Variants in CEP350 observed in about 807,000 individuals in gnomAD.
CEP350 encodes the protein centrosome-associated protein 350.
Under a neutral mutation model 331.8 loss-of-function variants are expected in CEP350, and 126 were observed. The ratio of observed to expected loss-of-function variants is 0.38; its 90% confidence interval spans 0.33 to 0.44. CEP350 has a LOEUF of 0.44. Among genes scored for constraint, CEP350 ranks in the 20% least tolerant of loss-of-function variants. The pLI, the probability that CEP350 is intolerant of heterozygous loss-of-function variation, is 1.00. For missense variants in CEP350, 3,406 were observed against 3,634.6 expected (o/e 0.94, Z 1.62); for synonymous variants, 1,200 against 1,259.5 (o/e 0.95, Z 1.00).
In CEP350 at chr1:180,095,642, C is replaced by G. The variant is rs755553765; in HGVS notation, c.8631C>G (p.Asp2877Glu). The G allele has an allele frequency of 3.6e-5, 58 of 1,613,798 alleles. No individual in the cohort carries two copies. Among genetic ancestry groups the G allele is most frequent in the Non-Finnish European group, 8.5e-7 (1 of 1,179,880 alleles). ...LGDDQDWFDE[D>E]FGLSSSHKIQ... is the part of the protein sequence containing the mutation. ...ATGATCAAGACTGGTTTGATGAAGA[C>G]TTTGGTTTGAGCTCTTCTCACAAGA... Residue 2877 changes from aspartate (D) to glutamate (E), a missense_variant, in exon 35 of 38, where the codon GAC becomes GAG. Coordinates refer to ENST00000367607, the MANE Select transcript of CEP350 (RefSeq NM_014810.5).
In CEP350 at chr1:179,960,167, C is replaced by T. The variant is rs1343582122; in HGVS notation, c.-14+5025C>T. On this transcript the variant is annotated intron_variant, in intron 1 of 37. Transcript: ENST00000367607. ...GCCATTCCATTGCAGGTAGCATTTA[C>T]AGACACACACACACCCACCCACCCA... Among the ~76,000 whole-genome samples the T allele has an allele frequency of 2.6e-5, 4 of 152,122 alleles. No homozygotes were observed. In the South Asian group the frequency reaches 8.3e-4, roughly 32 times the overall value.
Position 180,006,446 on chromosome 1 carries a change from C to T in CEP350, c.1133-8C>T. On this transcript the variant is annotated splice_polypyrimidine_tract_variant and splice_region_variant and intron_variant, in intron 7 of 37. Coordinates refer to ENST00000367607, the MANE Select transcript of CEP350 (RefSeq NM_014810.5). ...GTTATATTTGCTGTAAATATTTCTG[C>T]TTTTCAGATGATATTTCTATAAAGG... is the stretch of plus-strand genomic sequence containing the variant. 1 of 1,258,076 alleles carries T rather than the reference C, an allele frequency of 7.9e-7. No homozygotes were observed. The highest frequency in any genetic ancestry group is 1.3e-5 in the South Asian group (1 of 78,030). The allele number at this position is 1,258,076 out of a possible 1,614,324, so 77.9% of individuals were successfully genotyped here.
At chr1:180,086,254 T>A (rs1043581873) in intron 31 of CEP350, among the ~76,000 whole-genome samples, 2 of 152,042 alleles carry the variant, frequency 1.3e-5, no homozygotes, top group African/African-American at 4.8e-5. Context: ...GAAACAAAAT[T>A]TAAAAATACA....
In CEP350 at chr1:180,078,531, G is replaced by A. The variant is rs1298448641; in HGVS notation, c.5836G>A (p.Glu1946Lys). 1 of 1,613,458 alleles carries A rather than the reference G, an allele frequency of 6.2e-7. No homozygotes were observed. The highest frequency in any genetic ancestry group is 8.5e-7 in the Non-Finnish European group (1 of 1,179,764). ...SHLNSESSIP[E>K]ELGSPAVEYV... ...TCTAAACAGTGAAAGCTCCATTCCA[G>A]AAGAATTAGGCAGCCCTGCTGTTGA... Residue 1946 changes from glutamate to lysine, a missense_variant, in exon 29 of 38, where the codon GAA (glutamate) becomes AAA (lysine). By Grantham distance (56) the Glu-to-Lys change is moderately conservative (BLOSUM62 1). This residue lies in a region of CEP350 where 1,415 missense variants were observed against 1,512.3 expected (regional missense o/e 0.94). Coordinates refer to ENST00000367607, the MANE Select transcript of CEP350 (RefSeq NM_014810.5).
chr1:180,089,569 C>T (rs1660051198), intron 32 of CEP350, among the ~76,000 whole-genome samples: 2 of 135,702 alleles, frequency 1.5e-5, no homozygotes, highest in African/African-American at 2.8e-5. Context: ...GGCAACAGAG[C>T]AAGACTCCAT....
rs181181663 is a variant in CEP350, at chr1:180,000,513, T to A, written c.1019-2661T>A. On this transcript the variant is annotated intron_variant, in intron 6 of 37. Coordinates refer to ENST00000367607, the MANE Select transcript of CEP350 (RefSeq NM_014810.5). ...TTGCTGTTTCCTTGGGGTCTTTTTT[T>A]CTCTCATACAGGCCATGTCTTGAAA... 501 of 154,732 alleles carry A rather than the reference T, an allele frequency of 3.2e-3. 2 individuals carry two copies. The highest frequency in any genetic ancestry group is 0.011 in the African/African-American group (448 of 41,562). 9.6% of individuals were successfully genotyped at this position (154,732 alleles called of 1,614,324 possible).
At chr1:179,976,117 G>A (rs1651844881) in intron 1 of CEP350, among the ~76,000 whole-genome samples, 1 of 152,042 alleles carries the variant, frequency 6.6e-6, no homozygotes, top group African/African-American at 2.4e-5. Context: ...CCTGTTGACT[G>A]GAAAATTGTA....
At chr1:180,110,381 G>A (rs1241698919) in intron 37 of CEP350, among the ~76,000 whole-genome samples, 1 of 152,166 alleles carries the variant, frequency 6.6e-6, no homozygotes, top group Non-Finnish European at 1.5e-5. Flanking sequence ...TGGTATGGGG[G>A]CAGCAGCAGC....
chr1:180,054,622 C>A, intron 25 of CEP350, 120 bp downstream of exon 25: 1 of 710,912 alleles, frequency 1.4e-6, no homozygotes. Flanking sequence ...GTTGATACTT[C>A]CACTGTTTAT....
At chr1:179,997,220 C>G (rs752816986) in intron 6 of CEP350, 45 bp downstream of exon 6, 1 of 1,556,880 alleles carries the variant, frequency 6.4e-7, no homozygotes, top group Non-Finnish European at 8.7e-7. Context: ...CTTCTTTGTT[C>G]TTCTTTCTCC....
chr1:180,037,654 A>G (rs1482128525), intron 17 of CEP350, among the ~76,000 whole-genome samples: 1 of 151,946 alleles, frequency 6.6e-6, no homozygotes, highest in African/African-American at 2.4e-5. Flanking sequence ...GAGTTTATTT[A>G]TTTATTTATT....
intron 1 of CEP350, among the ~76,000 whole-genome samples, chr1:179,980,032 A>G (rs1265847379): frequency 1.3e-5 from 2 of 152,036 alleles, no homozygotes; most frequent in Non-Finnish European, 2.9e-5. Context: ...TTGTGTTTCC[A>G]TATGGATTTC....
rs763257368 is a variant in CEP350, at chr1:179,998,303, CT to C, written c.1018+1151del. 2.0e-3 allele frequency among the ~76,000 whole-genome samples: 219 copies of C among 112,048 alleles called. 4 individuals are homozygous for C. The highest frequency in any genetic ancestry group is 4.8e-3 in the Middle Eastern group (1 of 208). The allele number at this position is 112,048 out of a possible 152,430, so 73.5% of individuals were successfully genotyped here. A position where few individuals can be genotyped will look rare whatever the true frequency, so the allele number is the denominator to read the frequency against. ...TATAATAATTTGTTTCTTCTATTTT[CT>C]TTTTTTTTTTTTTTTTTTTTTTAAG... On this transcript the variant is annotated intron_variant, in intron 6 of 37. Transcript: ENST00000367607.
Position 180,014,347 on chromosome 1 carries a change from C to T in CEP350, c.1894C>T (p.Leu632Phe). 1 of 1,591,248 alleles carries T rather than the reference C, an allele frequency of 6.3e-7. No homozygotes were observed. Among genetic ancestry groups the T allele is most frequent in the Non-Finnish European group, 8.6e-7 (1 of 1,168,434 alleles). ...TEQKNKRLQE[L>F]YRKQKEAFTK... ...ACAGAAAAACAAACGATTACAAGAG[C>T]TCTACCGGAAGCAGAAGGAAGCCTT... The change falls in exon 10 of 38, where the codon CTC (leucine) becomes TTC (phenylalanine). Residue 632 changes from leucine to phenylalanine, a missense_variant. Around this residue, in one of 5 missense-constraint regions of CEP350, gnomAD observed 1,857 missense variants for 1,909.2 expected, o/e 0.97. Transcript: ENST00000367607.
chr1:179,992,110 C>A lies in CEP350; in HGVS notation c.284C>A (p.Ser95Tyr). The A allele has an allele frequency of 6.4e-7, 1 of 1,553,686 alleles. No homozygotes were observed. The highest frequency in any genetic ancestry group is 8.7e-7 in the Non-Finnish European group (1 of 1,152,118). ...TGGGTTAATGCTCCAATCTCCAAATCCACTAAATCACGAAAAGAGAAATCT... is the reference window on the plus strand; with the variant it reads ...TGGGTTAATGCTCCAATCTCCAAATACACTAAATCACGAAAAGAGAAATCT... ...DSWVNAPISK[S>Y]TKSRKEKSRS... The change falls in exon 5 of 38, where the codon TCC becomes TAC. Residue 95 changes from serine (S) to tyrosine (Y), a missense_variant. Ser to Tyr is a moderately radical substitution (Grantham distance 144). Around this residue, in one of 5 missense-constraint regions of CEP350, gnomAD observed 1,857 missense variants for 1,909.2 expected, o/e 0.97. Coordinates refer to ENST00000367607, the MANE Select transcript of CEP350 (RefSeq NM_014810.5).
chr1:180,092,797 T>C lies in CEP350; in HGVS notation c.6692T>C (p.Leu2231Pro). Residue 2231 changes from leucine (L) to proline (P), a missense_variant, in exon 34 of 38, where the codon CTT becomes CCT. This residue lies in a region of CEP350 where 1,415 missense variants were observed against 1,512.3 expected (regional missense o/e 0.94). Transcript: ENST00000367607. ...DSLENVPALH[L>P]LKELNATSRI... ...CTAGAAAATGTACCTGCATTACATC[T>C]TCTCAAAGAATTAAATGCCACTAGT... is the stretch of plus-strand genomic sequence containing the variant. 1.3e-6 allele frequency: 2 copies of C among 1,574,660 alleles called. No homozygotes were observed. Among genetic ancestry groups the C allele is most frequent in the Non-Finnish European group, 8.6e-7 (1 of 1,158,532 alleles).
chr1:180,024,993 T>G (rs1002891071), intron 14 of CEP350, among the ~76,000 whole-genome samples: 58 of 151,812 alleles, frequency 3.8e-4, no homozygotes, highest in African/African-American at 1.4e-3. Flanking sequence ...GGCGTGATCT[T>G]GGCTCACTGC....
rs1553254000 is a variant in CEP350 at position 180,004,927 on chromosome 1, C to CTTTCTTTCTT, written c.1133-1525_1133-1516dup. Reference sequence around the variant, plus strand: ...GCTTGCTTTCTTTCTTTCTTTCTTTCTTTCTTTCTTTCTTTCTTTCTTTCT... The same window carrying CTTTCTTTCTT: ...GCTTGCTTTCTTTCTTTCTTTCTTTCTTTCTTTCTTTTTCTTTCTTTCTTTCTTTCTTTCT... On this transcript the variant is annotated intron_variant, in intron 7 of 37. Coordinates refer to ENST00000367607, the MANE Select transcript of CEP350 (RefSeq NM_014810.5). 9.1e-3 allele frequency among the ~76,000 whole-genome samples: 680 copies of CTTTCTTTCTT among 75,002 alleles called. 5 individuals are homozygous for CTTTCTTTCTT. Among genetic ancestry groups the CTTTCTTTCTT allele is most frequent in the South Asian group, 0.013 (22 of 1,664 alleles). The allele number at this position is 75,002 out of a possible 152,430, so 49.2% of individuals were successfully genotyped here.
chr1:180,078,564 C>T lies in CEP350; in HGVS notation c.5869C>T (p.Pro1957Ser). 6.2e-7 allele frequency: 1 copy of T among 1,613,474 alleles called. No homozygotes were observed. The highest frequency in any genetic ancestry group is 8.5e-7 in the Non-Finnish European group (1 of 1,179,696). ...AGGCAGCCCTGCTGTTGAATATGTACCATCCGAGTCTATAGGACAGGAGCA... is the reference window on the plus strand; with the variant it reads ...AGGCAGCCCTGCTGTTGAATATGTATCATCCGAGTCTATAGGACAGGAGCA... Reference protein sequence around the residue: ...ELGSPAVEYVPSESIGQEQPG... With the variant: ...ELGSPAVEYVSSESIGQEQPG... Residue 1957 changes from proline to serine, a missense_variant, in exon 29 of 38, where the codon CCA becomes TCA. Around this residue, in one of 5 missense-constraint regions of CEP350, gnomAD observed 1,415 missense variants for 1,512.3 expected, o/e 0.94. Coordinates refer to ENST00000367607, the MANE Select transcript of CEP350 (RefSeq NM_014810.5).
Sources: allele counts gnomAD v4.1 joint callset (sites outside exome capture counted in the v4.1 genomes callset), GRCh38; gene constraint gnomAD v4.1.1; regional missense constraint gnomAD v4.1.1; transcripts MANE v1.5; gene names NCBI Gene and HGNC (gene_info 2026-07-23, HGNC 2026-07-21).